The following FKBP11 variants were observed in gnomAD, a reference collection of about 807,000 sequenced individuals.
FKBP11 encodes the protein FKBP prolyl isomerase 11.
In FKBP11, 21 loss-of-function variants were observed where a neutral mutation model predicts 24.7. The ratio of observed to expected loss-of-function variants is 0.85; its 90% CI spans 0.60 to 1.23. The LOEUF is 1.23. FKBP11 is among the 50% of genes most tolerant of loss of function. FKBP11 has a pLI of 0.00. For synonymous variants in FKBP11, 106 were observed against 100.6 expected, an observed-to-expected ratio of 1.05 and a Z score of -0.32; for missense variants, 245 against 248.7, an observed-to-expected ratio of 0.99 and a Z score of 0.10.
At chr12:48,935,285 T>C in the FKBP11 span, among the ~76,000 whole-genome samples, 3 of 152,016 alleles carry the variant, frequency 2.0e-5, no homozygotes, top group Non-Finnish European at 2.9e-5. Context: ...AAAAGGAAAA[T>C]TGGCAGGGGA....
the FKBP11 span, chr12:48,938,291 CAA>C: frequency 2.3e-6 from 1 of 431,404 alleles, no homozygotes; most frequent in Non-Finnish European, 4.7e-6. Flanking sequence ...GGTAACCAGT[CAA>C]AGACTGGGGC....
At chr12:48,938,974 C>T in the FKBP11 span, 1 of 1,612,536 alleles carries the variant, frequency 6.2e-7, no homozygotes, top group Non-Finnish European at 8.5e-7. Context: ...GCTGATTGGC[C>T]AGCCAGTCCA....
the FKBP11 span, among the ~76,000 whole-genome samples, chr12:48,933,539 T>C: frequency 6.6e-6 from 1 of 151,994 alleles, no homozygotes; most frequent in Non-Finnish European, 1.5e-5. Context: ...CCATCTCTAC[T>C]AAAAATAGAA....
the FKBP11 span, chr12:48,939,027 G>A: frequency 1.2e-6 from 2 of 1,613,834 alleles, no homozygotes; most frequent in East Asian, 2.2e-5. This position sits in a 1 kb window ranked among gnomAD's most constrained non-coding sequence, Gnocchi z 4.8. Flanking sequence ...CAGGTGGCCT[G>A]AATGTACCAG....
rs781542376 is a variant in FKBP11, at chr12:48,922,130, T to C, written c.460A>G (p.Lys154Glu). The C allele has an allele frequency of 6.2e-7, 1 of 1,614,202 alleles. No homozygotes were observed. Among genetic ancestry groups the C allele is most frequent in the South Asian group, 1.1e-5 (1 of 91,088 alleles). Residue 154 changes from lysine (K) to glutamate (E), a missense_variant, in exon 6 of 6, where the codon AAG becomes GAG. Coordinates refer to ENST00000550765, the MANE Select transcript of FKBP11 (RefSeq NM_016594.3). ...ATCCCTACCAGAGGCAAAATGCCCT[T>C]CACCAGCTTTAGCCAGTAGTTGGCT... is the stretch of plus-strand genomic sequence containing the variant. Reference protein sequence around the residue: ...IRANYWLKLVKGILPLVGMAM... With the variant: ...IRANYWLKLVEGILPLVGMAM...
At chr12:48,922,312 C>A (rs1394646153) in intron 5 of FKBP11, 111 bp from the exon 6 acceptor site, 2 of 987,914 alleles carry the variant, frequency 2.0e-6, no homozygotes, top group Non-Finnish European at 2.9e-6. Context: ...AACTATGAAG[C>A]TGACAAGATT....
At chr12:48,934,640 GC>G in the FKBP11 span, among the ~76,000 whole-genome samples, 1 of 152,092 alleles carries the variant, frequency 6.6e-6, no homozygotes, top group African/African-American at 2.4e-5. Flanking sequence ...CCCCCCAGTG[GC>G]CCACCATTCA....
At chr12:48,934,639 G>A in the FKBP11 span, among the ~76,000 whole-genome samples, 1 of 152,104 alleles carries the variant, frequency 6.6e-6, no homozygotes, top group Admixed American at 6.6e-5. Context: ...ACCCCCCAGT[G>A]GCCCACCATT....
chr12:48,925,552 C>T (rs532123518), upstream of FKBP11: 5 of 1,204,292 alleles, frequency 4.2e-6, no homozygotes, highest in African/African-American at 7.6e-5. Context: ...GATGCTAGAG[C>T]TCCTCCTCCT....
upstream of FKBP11, chr12:48,925,527 G>A (rs1017063257): frequency 1.1e-4 from 159 of 1,402,988 alleles, 1 homozygote; most frequent in Middle Eastern, 1.0e-3. Flanking sequence ...GACTGGACGG[G>A]ACGGGGCGGG....
At chr12:48,926,558 C>T (rs1209436094), upstream of FKBP11, 1 of 99,180 alleles carries the variant, frequency 1.0e-5, no homozygotes, top group African/African-American at 3.2e-5. Flanking sequence ...AGGAGTTTTG[C>T]TCCTGTTGCC....
chr12:48,933,665 C>T, the FKBP11 span, among the ~76,000 whole-genome samples: 1 of 150,360 alleles, frequency 6.7e-6, no homozygotes, highest in Non-Finnish European at 1.5e-5. Flanking sequence ...CACGCCATTG[C>T]ACTCCAGCTT....
Position 48,925,088 on chromosome 12 carries a change from G to C in FKBP11, c.153C>G (p.Ala51=), listed in dbSNP as rs751704555. The change falls in exon 2 of 6, where the codon GCC becomes GCG. Residue 51 remains alanine (A), a synonymous_variant. Transcript: ENST00000550765. ...ETLVEPPEPC[A]EPAAFGDTLH... is the part of the protein sequence containing the mutation. ...GCGTGTCTCCAAAAGCAGCGGGCTC[G>C]GCACATGGTTCTGGGGGCTCCACCT... is the stretch of plus-strand genomic sequence containing the variant. 3 of 1,613,230 alleles carry C rather than the reference G, an allele frequency of 1.9e-6. No individual in the cohort carries two copies. Among genetic ancestry groups the C allele is most frequent in the Admixed American group, 1.7e-5 (1 of 59,922 alleles).
rs999698784 is a variant in FKBP11 at position 48,924,236 on chromosome 12, C to T, written c.304G>A (p.Asp102Asn). 1 of 1,614,156 alleles carries T rather than the reference C, an allele frequency of 6.2e-7. No individual in the cohort carries two copies. The highest frequency in any genetic ancestry group is 1.7e-5 in the Admixed American group (1 of 60,022). Reference protein sequence around the residue: ...VIPGLEQSLLDMCVGEKRRAI... With the variant: ...VIPGLEQSLLNMCVGEKRRAI... Reference sequence around the variant, plus strand: ...CGAGATACTCACCCCACACACATGTCGAGAAGACTCTGCTCCAGACCTTGA... The same window carrying T: ...CGAGATACTCACCCCACACACATGTTGAGAAGACTCTGCTCCAGACCTTGA... Residue 102 changes from aspartate to asparagine, a missense_variant, in exon 4 of 6, where the codon GAC becomes AAC. Asp to Asn is a conservative substitution (Grantham distance 23). Transcript: ENST00000550765.
At chr12:48,932,259 ATATTTTTTTTTTTTTTTTT>A in the FKBP11 span, among the ~76,000 whole-genome samples, 3 of 28,796 alleles carry the variant, frequency 1.0e-4, no homozygotes, top group South Asian at 1.8e-3. Flanking sequence ...ATATATATAT[ATATTTTTTTTTTTTTTTTT>A]TTTTTTTTTT....
chr12:48,925,033 C>A lies in FKBP11; in HGVS notation c.195+13G>T, dbSNP rs1939928037. ...CCCTCCCAGGCCCCGCCCCGGCCCC[C>A]CAGACCCCTCACCGTGTAGTGTATG... On this transcript the variant is annotated intron_variant, in intron 2 of 5. Coordinates refer to ENST00000550765, the MANE Select transcript of FKBP11 (RefSeq NM_016594.3). The A allele has an allele frequency of 1.9e-6, 3 of 1,612,470 alleles. No homozygotes were observed. The highest frequency in any genetic ancestry group is 2.5e-6 in the Non-Finnish European group (3 of 1,179,382).
chr12:48,925,321 C>G lies in FKBP11; in HGVS notation c.108G>C (p.Arg36=). The stretch of plus-strand genomic sequence containing the variant: ...TCACCAGGGTCTCCACTTGGAGGGT[C>G]CGGACGGGACTTTCGGTTTCGAGCC... The part of the protein sequence containing the change: ...EAGLETESPV[R]TLQVETLVEP... Residue 36 remains arginine (R), a synonymous_variant, in exon 1 of 6, where the codon CGG becomes CGC. Coordinates refer to ENST00000550765, the MANE Select transcript of FKBP11 (RefSeq NM_016594.3). 1.2e-6 allele frequency: 2 copies of G among 1,611,676 alleles called. No homozygotes were observed. Among genetic ancestry groups the G allele is most frequent in the Non-Finnish European group, 1.7e-6 (2 of 1,179,408 alleles).
chr12:48,924,698 A>G (rs751252672), intron 2 of FKBP11, 50 bp from the exon 3 acceptor site: 1 of 1,598,010 alleles, frequency 6.3e-7, no homozygotes, highest in South Asian at 1.1e-5. Flanking sequence ...TCTCCCTCCC[A>G]GCAGGCGCGC....
chr12:48,929,119 G>A (rs1042429277), upstream of FKBP11, among the ~76,000 whole-genome samples: 9 of 150,832 alleles, frequency 6.0e-5, no homozygotes, highest in East Asian at 4.0e-4. Flanking sequence ...GAGCCACCGC[G>A]CCCGGCCTTT....
Sources: allele counts gnomAD v4.1 joint callset (sites outside exome capture counted in the v4.1 genomes callset), GRCh38; gene constraint gnomAD v4.1.1; non-coding constraint Gnocchi (gnomAD v3.1); transcripts MANE v1.5; gene names NCBI Gene and HGNC (gene_info 2026-07-23, HGNC 2026-07-21).